The following DCXR variants were observed in gnomAD, a reference collection of about 807,000 sequenced individuals.
The protein encoded by DCXR is dicarbonyl and L-xylulose reductase, also known as L-xylulose reductase.
Under a neutral mutation model 25.9 loss-of-function variants are expected in DCXR, and 24 were observed. That is an observed-to-expected ratio of 0.93 (90% confidence interval 0.67 to 1.30). The LOEUF (loss-of-function observed/expected upper bound fraction) is 1.30, where lower values mean the gene tolerates loss of function less well. Among genes scored for constraint, DCXR ranks in the 50% most tolerant of loss-of-function variants. The probability of loss-of-function intolerance (pLI) is 0.00; values close to 1 mark genes in which losing one functional copy is unlikely to be tolerated. For missense variants in DCXR, 348 were observed against 333.7 expected (o/e 1.04, Z -0.33); for synonymous variants, 161 against 141.7 (o/e 1.14, Z -0.97).
Position 82,036,466 on chromosome 17 carries a change from A to C in DCXR, c.449-18T>G. ...GGTGGAGCCTACGAAGAGGAACCCA[A>C]GCTGGCTGGGGCTGGGGTCGGTGAT... On this transcript the variant is annotated intron_variant, in intron 5 of 7. Coordinates refer to ENST00000306869, the MANE Select transcript of DCXR (RefSeq NM_016286.4). 6.2e-7 allele frequency: 1 copy of C among 1,613,202 alleles called. No homozygotes were observed. The highest frequency in any genetic ancestry group is 8.5e-7 in the Non-Finnish European group (1 of 1,179,922).
At position 82,035,989 on chromosome 17, in the gene DCXR, G is replaced by T. The variant is rs768716624; in HGVS notation, c.706C>A (p.Pro236Thr). 2 of 1,613,138 alleles carry T rather than the reference G, an allele frequency of 1.2e-6. No individual in the cohort carries two copies. Among genetic ancestry groups the T allele is most frequent in the East Asian group, 2.2e-5 (1 of 44,900 alleles). ...RSGMTTGSTLPVEGGFWAC is the reference protein window; with the variant it reads ...RSGMTTGSTLTVEGGFWAC ...CAGGCCCAGAAGCCCCCTTCCACCG[G>T]CAAAGTGGAACCCGTGGTCATGCCA... The change falls in exon 8 of 8, where the codon CCG (proline) becomes ACG (threonine). Residue 236 changes from proline (P) to threonine (T), a missense_variant. By Grantham distance (38) the Pro-to-Thr change is conservative. Coordinates refer to ENST00000306869, the MANE Select transcript of DCXR (RefSeq NM_016286.4).
intron 2 of DCXR, 142 bp downstream of exon 2, chr17:82,037,308 A>G (rs2043504150): frequency 9.8e-7 from 1 of 1,023,018 alleles, no homozygotes; most frequent in Admixed American, 3.4e-5. Flanking sequence ...GCCCCGAGAG[A>G]GGGTGCGCGG....
At position 82,036,998 on chromosome 17, in the gene DCXR, GTTC is replaced by G; in HGVS notation, c.163_165del (p.Glu55del). 1.3e-6 allele frequency: 2 copies of G among 1,568,958 alleles called. No individual in the cohort carries two copies. The highest frequency in any genetic ancestry group is 2.3e-5 in the South Asian group (2 of 86,230). On this transcript the variant is annotated inframe_deletion, in exon 3 of 8. Coordinates refer to ENST00000306869, the MANE Select transcript of DCXR (RefSeq NM_016286.4). ...CAGTCACCCAGGTCCACGCACACGG[GTTC>G]TATCCCCGGGCACTGTGTGTATCAG...
rs2043484911 is a variant in DCXR, at chr17:82,035,879, T to C, written c.*81A>G. 2 of 1,290,650 alleles carry C rather than the reference T, an allele frequency of 1.5e-6. No homozygotes were observed. Among genetic ancestry groups the C allele is most frequent in the South Asian group, 1.2e-5 (1 of 82,434 alleles). The allele number at this position is 1,290,650 out of a possible 1,614,324, so 79.9% of individuals were successfully genotyped here. ...CTGGCAGCCTAGGAATAGCACATAGTCTGGGCAGCAGAATCAGGTTTATTG... is the reference window on the plus strand; with the variant it reads ...CTGGCAGCCTAGGAATAGCACATAGCCTGGGCAGCAGAATCAGGTTTATTG... On this transcript the variant is annotated 3_prime_UTR_variant, in exon 8 of 8. Transcript: ENST00000306869.
At chr17:82,037,192 C>T (rs1459858292) in intron 2 of DCXR, 179 bp from the exon 3 acceptor site, 2 of 880,782 alleles carry the variant, frequency 2.3e-6, no homozygotes, top group African/African-American at 3.4e-5. Flanking sequence ...TCCCTGCGCC[C>T]GAGCGACTCC....
chr17:82,036,657 G>C lies in DCXR; in HGVS notation c.349-14C>G, dbSNP rs367769179. 2 of 1,613,408 alleles carry C rather than the reference G, an allele frequency of 1.2e-6. No homozygotes were observed. The highest frequency in any genetic ancestry group is 1.7e-6 in the Non-Finnish European group (2 of 1,179,978). The stretch of plus-strand genomic sequence containing the variant: ...CCTGGCCACAATCTGGAATCGCAGC[G>C]AGACCGTGAGGCAGAGCTGGCATCA... On this transcript the variant is annotated splice_polypyrimidine_tract_variant and intron_variant, in intron 4 of 7. Transcript: ENST00000306869.
intron 3 of DCXR, 39 bp downstream of exon 3, chr17:82,036,820 C>T (rs758114726): frequency 2.5e-6 from 4 of 1,613,442 alleles, no homozygotes; most frequent in Non-Finnish European, 3.4e-6. Context: ...TCCTCCAGGA[C>T]AGCCCCTCCC....
At position 82,036,052 on chromosome 17, in the gene DCXR, C is replaced by G; in HGVS notation, c.643G>C (p.Val215Leu). 1 of 1,613,300 alleles carries G rather than the reference C, an allele frequency of 6.2e-7. No individual in the cohort carries two copies. Among genetic ancestry groups the G allele is most frequent in the Non-Finnish European group, 8.5e-7 (1 of 1,180,006 alleles). ...AGCAGAAAGAGGATGGCGTTCACCA[C>G]GTGCTCTACCTCTGTGGGCAGGGCG... ...PLGKFAEVEHVVNAILFLLSD... is the reference protein window; with the variant it reads ...PLGKFAEVEHLVNAILFLLSD... The change falls in exon 8 of 8, where the codon GTG becomes CTG. Residue 215 changes from valine (V) to leucine (L), a missense_variant. Physicochemically the swap from Val to Leu is conservative, Grantham distance 32. Transcript: ENST00000306869.
Position 82,035,930 on chromosome 17 carries a change from G to T in DCXR, c.*30C>A. ...GAGGGATTGGGGGTAGGATGAGCAC[G>T]GCATGGGGCTTGAGGTGTGTGGAGG... On this transcript the variant is annotated 3_prime_UTR_variant, in exon 8 of 8. Coordinates refer to ENST00000306869, the MANE Select transcript of DCXR (RefSeq NM_016286.4). 1 of 1,575,086 alleles carries T rather than the reference G, an allele frequency of 6.3e-7. No individual in the cohort carries two copies. The highest frequency in any genetic ancestry group is 8.7e-7 in the Non-Finnish European group (1 of 1,147,006).
Position 82,035,915 on chromosome 17 carries a change from G to C in DCXR, c.*45C>G, listed in dbSNP as rs767968976. 6.6e-7 allele frequency: 1 copy of C among 1,513,826 alleles called. No individual in the cohort carries two copies. The highest frequency in any genetic ancestry group is 9.1e-7 in the Non-Finnish European group (1 of 1,093,102). The allele number at this position is 1,513,826 out of a possible 1,614,324, so 93.8% of individuals were successfully genotyped here. On this transcript the variant is annotated 3_prime_UTR_variant, in exon 8 of 8. Coordinates refer to ENST00000306869, the MANE Select transcript of DCXR (RefSeq NM_016286.4). ...GAATCAGGTTTATTGGAGGGATTGGGGGTAGGATGAGCACGGCATGGGGCT... is the reference window on the plus strand; with the variant it reads ...GAATCAGGTTTATTGGAGGGATTGGCGGTAGGATGAGCACGGCATGGGGCT...
rs1365354691 is a variant in DCXR at position 82,037,129 on chromosome 17, T to C, written c.151-116A>G. ...GTAAAGGAGTTAGGAGTTCCGAAGG[T>C]GTCGGGACTGTGGGGCCAGCAGCCG... On this transcript the variant is annotated intron_variant, in intron 2 of 7. Coordinates refer to ENST00000306869, the MANE Select transcript of DCXR (RefSeq NM_016286.4). 3.0e-6 allele frequency: 4 copies of C among 1,337,030 alleles called. No homozygotes were observed. The East Asian group carries it at 1.0e-4, about 34-fold the overall frequency. 82.8% of individuals were successfully genotyped at this position (1,337,030 alleles called of 1,614,324 possible).
Sources: allele counts gnomAD v4.1 joint callset, GRCh38; gene constraint gnomAD v4.1.1; transcripts MANE v1.5; gene names NCBI Gene and HGNC (gene_info 2026-07-23, HGNC 2026-07-21).